LCOR: variants seen among roughly 807,000 people sequenced by gnomAD.
The protein encoded by LCOR is ligand dependent nuclear receptor corepressor.
Under a neutral mutation model 64.4 loss-of-function variants are expected in LCOR, and 14 were observed. The ratio of observed to expected loss-of-function variants is 0.22; its 90% CI spans 0.14 to 0.34. The LOEUF (loss-of-function observed/expected upper bound fraction) is 0.34, where lower values mean the gene tolerates loss of function less well. Among genes scored for constraint, LCOR ranks in the 10% least tolerant of loss-of-function variants. The probability of loss-of-function intolerance (pLI) is 1.00; values close to 1 mark genes in which losing one functional copy is unlikely to be tolerated. For synonymous variants in LCOR, 643 were observed against 642.5 expected (o/e 1.00, Z -0.01); for missense variants, 1,686 against 1,765.3 (o/e 0.96, Z 0.80).
intron 4 of LCOR, among the ~76,000 whole-genome samples, chr10:96,909,649 A>G (rs1012246107): frequency 2.0e-5 from 3 of 152,214 alleles, no homozygotes; most frequent in African/African-American, 4.8e-5. Context: ...TTGAAAGCCA[A>G]CGTGTAGCCA....
Position 96,994,120 on chromosome 10 carries a change from A to T in LCOR, c.*8986A>T, listed in dbSNP as rs1461527419. 7 of 152,204 alleles carry T rather than the reference A, an allele frequency of 4.6e-5. No homozygotes were observed. Among genetic ancestry groups the T allele is most frequent in the African/African-American group, 7.2e-5 (3 of 41,444 alleles). The allele number at this position is 152,204 out of a possible 1,614,324, so 9.4% of individuals were successfully genotyped here. A position where few individuals can be genotyped will look rare whatever the true frequency, so the allele number is the denominator to read the frequency against. On this transcript the variant is annotated 3_prime_UTR_variant, in exon 8 of 8. Transcript: ENST00000421806. The stretch of plus-strand genomic sequence containing the variant: ...AAATTTTGCAATTTTTCATGAATTT[A>T]TAGGGTTTCCAGAATCTAGTTGAGG...
chr10:96,966,836 C>T (rs550880129), intron 7 of LCOR, among the ~76,000 whole-genome samples: 3 of 152,164 alleles, frequency 2.0e-5, no homozygotes, highest in Non-Finnish European at 4.4e-5. Context: ...GCTGGGCTTA[C>T]GTGATCCTCC....
In LCOR at chr10:96,981,290, C is replaced by A; in HGVS notation, c.830C>A (p.Ser277Tyr). 1 of 1,398,456 alleles carries A rather than the reference C, an allele frequency of 7.2e-7. No individual in the cohort carries two copies. Among genetic ancestry groups the A allele is most frequent in the Non-Finnish European group, 1.0e-6 (1 of 990,978 alleles). The allele number at this position is 1,398,456 out of a possible 1,614,324, so 86.6% of individuals were successfully genotyped here. A position where few individuals can be genotyped will look rare whatever the true frequency, so the allele number is the denominator to read the frequency against. The change falls in exon 8 of 8, where the codon TCC becomes TAC. Residue 277 changes from serine to tyrosine, a missense_variant. This residue lies in a region of LCOR where 313 missense variants were observed against 247.2 expected (regional missense o/e 1.27). Coordinates refer to ENST00000421806, the MANE Select transcript of LCOR (RefSeq NM_001346516.2). ...GGATACCTCACTGCATCTAATTGTT[C>A]CTCAGTGAACTTCCACCACATCCCT... ...TPGYLTASNC[S>Y]SVNFHHIPKI...
intron 2 of LCOR, among the ~76,000 whole-genome samples, chr10:96,847,549 C>T (rs1050093195): frequency 3.3e-5 from 5 of 152,202 alleles, no homozygotes; most frequent in African/African-American, 1.2e-4. Flanking sequence ...TTAAGCAATT[C>T]TCCTGCGTCA....
chr10:96,885,987 T>C (rs1036731812), intron 2 of LCOR, among the ~76,000 whole-genome samples: 12 of 151,870 alleles, frequency 7.9e-5, no homozygotes, highest in Admixed American at 5.9e-4. Context: ...AAGCGATTCT[T>C]GTGCCTCAGC....
chr10:96,989,349 G>C lies in LCOR; in HGVS notation c.*4215G>C, dbSNP rs973329369. 3 of 147,282 alleles carry C rather than the reference G, an allele frequency of 2.0e-5. No individual in the cohort carries two copies. Among genetic ancestry groups the C allele is most frequent in the Non-Finnish European group, 4.5e-5 (3 of 67,154 alleles). The allele number at this position is 147,282 out of a possible 1,614,324, so 9.1% of individuals were successfully genotyped here. On this transcript the variant is annotated 3_prime_UTR_variant, in exon 8 of 8. Transcript: ENST00000421806. ...GTTTATTAAAGTAAGCCAAGATTTTGTTTCTGGTAAAATTAGTTGAGACTA... is the reference window on the plus strand; with the variant it reads ...GTTTATTAAAGTAAGCCAAGATTTTCTTTCTGGTAAAATTAGTTGAGACTA...
chr10:96,927,769 T>C (rs1847193449), intron 4 of LCOR, among the ~76,000 whole-genome samples: 1 of 152,206 alleles, frequency 6.6e-6, no homozygotes, highest in Non-Finnish European at 1.5e-5. Flanking sequence ...TTTGACCATA[T>C]ACATGTTGGT....
At chr10:96,896,357 T>G (rs563629607) in intron 2 of LCOR, among the ~76,000 whole-genome samples, 1 of 152,344 alleles carries the variant, frequency 6.6e-6, no homozygotes, top group East Asian at 1.9e-4. Flanking sequence ...TGAGAAATTT[T>G]AATTTATTTT....
Position 96,983,298 on chromosome 10 carries a change from G to A in LCOR, c.2838G>A (p.Leu946=), listed in dbSNP as rs773110087. 6.2e-7 allele frequency: 1 copy of A among 1,614,146 alleles called. No homozygotes were observed. The highest frequency in any genetic ancestry group is 1.7e-5 in the Admixed American group (1 of 60,020). The stretch of plus-strand genomic sequence containing the variant: ...GACAGCCACTGCCTGGAGAGAGATT[G>A]GAAATCTATGTTCAGTCTAAAATGG... ...TAGQPLPGER[L]EIYVQSKMDE... is the part of the protein sequence containing the mutation. The change falls in exon 8 of 8, where the codon TTG becomes TTA. Residue 946 remains leucine (L), a synonymous_variant. Coordinates refer to ENST00000421806, the MANE Select transcript of LCOR (RefSeq NM_001346516.2). The surrounding 1 kb of genome is among the most constrained non-coding windows in gnomAD (Gnocchi z 4.5).
intron 7 of LCOR, among the ~76,000 whole-genome samples, chr10:96,978,153 T>G (rs1006844539): frequency 3.3e-5 from 5 of 152,334 alleles, no homozygotes; most frequent in African/African-American, 1.2e-4. Flanking sequence ...AGCAGGGGCC[T>G]CCTCCTGCCT....
At chr10:96,962,776 A>G (rs1004857547) in intron 7 of LCOR, 4 of 152,304 alleles carry the variant, frequency 2.6e-5, no homozygotes, top group African/African-American at 4.8e-5. Flanking sequence ...AAAAAAATGT[A>G]TAAACTATAC....
chr10:96,860,838 C>T (rs1033715949), intron 2 of LCOR, among the ~76,000 whole-genome samples: 3 of 152,162 alleles, frequency 2.0e-5, no homozygotes, highest in African/African-American at 4.8e-5. Flanking sequence ...GTGTCCTACT[C>T]AGCAGTCATG....
In LCOR at chr10:96,986,028, C is replaced by T. The variant is rs1243122897; in HGVS notation, c.*894C>T. ...AATTTGATGATTAGGATGAAAATGACTCTTATTTTCTTTCTTACCCAGAGT... is the reference window on the plus strand; with the variant it reads ...AATTTGATGATTAGGATGAAAATGATTCTTATTTTCTTTCTTACCCAGAGT... On this transcript the variant is annotated 3_prime_UTR_variant, in exon 8 of 8. Coordinates refer to ENST00000421806, the MANE Select transcript of LCOR (RefSeq NM_001346516.2). 2 of 166,860 alleles carry T rather than the reference C, an allele frequency of 1.2e-5. No homozygotes were observed. The highest frequency in any genetic ancestry group is 4.8e-5 in the African/African-American group (2 of 41,378). 10.3% of individuals were successfully genotyped at this position (166,860 alleles called of 1,614,324 possible). A position where few individuals can be genotyped will look rare whatever the true frequency, so the allele number is the denominator to read the frequency against.
At chr10:96,874,325 GT>G (rs551059576) in intron 2 of LCOR, among the ~76,000 whole-genome samples, 3 of 152,204 alleles carry the variant, frequency 2.0e-5, no homozygotes, top group Admixed American at 6.5e-5. Context: ...TGCCAGTGTA[GT>G]TTTTCTAAAA....
intron 2 of LCOR, among the ~76,000 whole-genome samples, chr10:96,906,146 T>A (rs771137108): frequency 2.0e-5 from 3 of 152,140 alleles, no homozygotes; most frequent in Non-Finnish European, 4.4e-5. Context: ...TTTTTAACAA[T>A]TAAATCGCAA....
chr10:96,840,144 G>A (rs1323744564), intron 2 of LCOR, among the ~76,000 whole-genome samples: 1 of 152,196 alleles, frequency 6.6e-6, no homozygotes, highest in African/African-American at 2.4e-5. Context: ...ATCTTATGGG[G>A]TAGATGGCCG....
chr10:96,837,152 G>T (rs756526281), intron 2 of LCOR, among the ~76,000 whole-genome samples: 2 of 151,884 alleles, frequency 1.3e-5, no homozygotes, highest in South Asian at 4.2e-4. Context: ...CACCACGCTC[G>T]GCTAATTTTT....
Position 96,989,289 on chromosome 10 carries a change from T to G in LCOR, c.*4155T>G, listed in dbSNP as rs1046261091. 9.2e-5 allele frequency: 14 copies of G among 152,232 alleles called. No homozygotes were observed. Among genetic ancestry groups the G allele is most frequent in the African/African-American group, 3.4e-4 (14 of 41,452 alleles). The allele number at this position is 152,232 out of a possible 1,614,324, so 9.4% of individuals were successfully genotyped here. A position where few individuals can be genotyped will look rare whatever the true frequency, so the allele number is the denominator to read the frequency against. On this transcript the variant is annotated 3_prime_UTR_variant, in exon 8 of 8. Coordinates refer to ENST00000421806, the MANE Select transcript of LCOR (RefSeq NM_001346516.2). ...AATTATGTGGCCTGGGCCTCTCATT[T>G]CACTCACACAGAACTGACTCTGGCT...
At chr10:96,863,429 C>G (rs540549389) in intron 2 of LCOR, among the ~76,000 whole-genome samples, 1 of 152,234 alleles carries the variant, frequency 6.6e-6, no homozygotes, top group African/African-American at 2.4e-5. Flanking sequence ...GTCTCGAACT[C>G]CTGACCTCAA....
Sources: gnomAD v4.1 joint callset for allele counts (sites outside exome capture counted in the v4.1 genomes callset) on GRCh38, gnomAD v4.1.1 for gene constraint, gnomAD v4.1.1 regional missense constraint, Gnocchi (gnomAD v3.1) non-coding constraint, MANE v1.5 for transcripts, NCBI Gene and HGNC (gene_info 2026-07-23, HGNC 2026-07-21) for gene names.